The following SMYD3 variants were observed in gnomAD, a reference collection of about 807,000 sequenced individuals.
SMYD3 encodes the protein histone-lysine N-methyltransferase SMYD3.
A neutral mutation model predicts 57.7 loss-of-function variants in SMYD3; 36 were observed. That is an observed-to-expected ratio of 0.62 (90% CI 0.48 to 0.82). SMYD3 has a LOEUF of 0.82. Among genes scored for constraint, SMYD3 ranks in the 40% least tolerant of loss-of-function variants. The pLI is 0.00. For missense variants in SMYD3, 515 were observed against 538.8 expected (o/e 0.96, Z 0.44); for synonymous variants, 211 against 195.0 (o/e 1.08, Z -0.68).
intron 1 of SMYD3, among the ~76,000 whole-genome samples, chr1:246,502,731 C>G (rs1232823567): frequency 6.6e-6 from 1 of 152,152 alleles, no homozygotes; most frequent in Non-Finnish European, 1.5e-5. Context: ...TCACTGGTCT[C>G]TGCTGCAAGG....
Position 245,933,425 on chromosome 1 carries a change from CAA to C in SMYD3, c.532-3490_532-3489del, listed in dbSNP as rs1425507965. Among the ~76,000 whole-genome samples, 11 of 152,224 alleles carry C rather than the reference CAA, an allele frequency of 7.2e-5. No homozygotes were observed. In the East Asian group the frequency reaches 1.5e-3, roughly 21 times the overall value. On this transcript the variant is annotated intron_variant, in intron 5 of 11. Coordinates refer to ENST00000490107, the MANE Select transcript of SMYD3 (RefSeq NM_001167740.2). ...ATTTAAATTGTTTTATTATTGAATG[CAA>C]AGTTATATTTACTTTCTGTAATTTT...
In SMYD3 at chr1:245,749,539, G is replaced by GT. The variant is rs770434925; in HGVS notation, c.*23dup. 4 of 1,579,664 alleles carry GT rather than the reference G, an allele frequency of 2.5e-6. No individual in the cohort carries two copies. The African/African-American group carries it at 4.0e-5, about 16-fold the overall frequency. On this transcript the variant is annotated 3_prime_UTR_variant, in exon 12 of 12. Coordinates refer to ENST00000490107, the MANE Select transcript of SMYD3 (RefSeq NM_001167740.2). ...AAGGCATTCAACAAAGACACACGCC[G>GT]TATTTCCCTCTGACTGCGTTCCCTT...
chr1:246,222,891 G>A (rs887943344), intron 5 of SMYD3, among the ~76,000 whole-genome samples: 2 of 152,248 alleles, frequency 1.3e-5, no homozygotes, highest in Admixed American at 6.5e-5. Flanking sequence ...ATGCTAAATC[G>A]TATGTGCTCT....
intron 1 of SMYD3, among the ~76,000 whole-genome samples, chr1:246,395,199 T>C (rs905555169): frequency 5.3e-5 from 8 of 152,220 alleles, no homozygotes; most frequent in Admixed American, 1.3e-4. Flanking sequence ...GAAGGCTCTA[T>C]TTTTACCACT....
chr1:246,465,937 A>G (rs1369873140), intron 1 of SMYD3, among the ~76,000 whole-genome samples: 1 of 152,106 alleles, frequency 6.6e-6, no homozygotes, highest in East Asian at 1.9e-4. Context: ...ACACCTGGCT[A>G]ATTTTTGTAT....
rs962306096 is a variant in SMYD3, at chr1:245,823,799, G to A, written c.1076+34697C>T. Among the ~76,000 whole-genome samples the A allele has an allele frequency of 3.3e-5, 5 of 152,304 alleles. No homozygotes were observed. In the East Asian group the frequency reaches 7.7e-4, roughly 24 times the overall value. On this transcript the variant is annotated intron_variant, in intron 10 of 11. Coordinates refer to ENST00000490107, the MANE Select transcript of SMYD3 (RefSeq NM_001167740.2). ...GAAAGAAAATTGGAAGCACTTCTCT[G>A]ATTTAGTACCAAACTTGCTCCAGGA...
intron 8 of SMYD3, among the ~76,000 whole-genome samples, chr1:245,877,694 A>G (rs1343010546): frequency 6.6e-6 from 1 of 152,208 alleles, no homozygotes; most frequent in Non-Finnish European, 1.5e-5. Flanking sequence ...ATCTGGCTTC[A>G]GTGGCTGAGT....
chr1:246,320,600 A>G (rs373612790), intron 5 of SMYD3, among the ~76,000 whole-genome samples: 4 of 152,182 alleles, frequency 2.6e-5, no homozygotes, highest in Non-Finnish European at 5.9e-5. Context: ...CTATGCAACT[A>G]GTCTATTTTC....
At chr1:246,196,639 C>T (rs1174599427) in intron 5 of SMYD3, among the ~76,000 whole-genome samples, 1 of 152,138 alleles carries the variant, frequency 6.6e-6, no homozygotes, top group African/African-American at 2.4e-5. Context: ...TACAATACAA[C>T]ATTCTTTCCC....
At chr1:246,374,548 G>C (rs528222292) in intron 1 of SMYD3, among the ~76,000 whole-genome samples, 5 of 134,314 alleles carry the variant, frequency 3.7e-5, no homozygotes, top group African/African-American at 1.4e-4. Context: ...GTGCTGTCTC[G>C]TGTCCCTAAG....
At chr1:246,379,780 A>G (rs2066358069) in intron 1 of SMYD3, among the ~76,000 whole-genome samples, 1 of 152,228 alleles carries the variant, frequency 6.6e-6, no homozygotes, top group African/African-American at 2.4e-5. Context: ...CGGATGGATC[A>G]CTTAAGGCCA....
intron 5 of SMYD3, among the ~76,000 whole-genome samples, chr1:246,138,440 TTC>T (rs1232404927): frequency 6.7e-6 from 1 of 149,430 alleles, no homozygotes; most frequent in African/African-American, 2.4e-5. Flanking sequence ...TTTATTTTTT[TTC>T]TGAGACGGAG....
chr1:246,409,609 T>C (rs1167721951), intron 1 of SMYD3, among the ~76,000 whole-genome samples: 1 of 152,220 alleles, frequency 6.6e-6, no homozygotes, highest in African/African-American at 2.4e-5. Context: ...TCAGGTAGCC[T>C]GATGCCTCCA....
intron 2 of SMYD3, among the ~76,000 whole-genome samples, chr1:246,336,786 G>C (rs1344106690): frequency 1.3e-5 from 2 of 152,122 alleles, no homozygotes; most frequent in African/African-American, 4.8e-5. Flanking sequence ...CAAAAAGAGA[G>C]AGTAAAAATT....
chr1:245,925,616 G>C (rs2056316566), intron 7 of SMYD3, among the ~76,000 whole-genome samples: 1 of 152,130 alleles, frequency 6.6e-6, no homozygotes, highest in South Asian at 2.1e-4. Context: ...CATTCAAAAT[G>C]GCAATAGTGT....
chr1:246,024,013 G>A (rs1237418090), intron 5 of SMYD3, among the ~76,000 whole-genome samples: 1 of 151,954 alleles, frequency 6.6e-6, no homozygotes, highest in Admixed American at 6.6e-5. Flanking sequence ...AGGTGGGAGG[G>A]GATAAAATGA....
rs759801510 is a variant in SMYD3 at position 245,764,040 on chromosome 1, C to T, written c.1185+1G>A. The T allele has an allele frequency of 3.1e-6, 5 of 1,609,490 alleles. No homozygotes were observed. Among genetic ancestry groups the T allele is most frequent in the Non-Finnish European group, 4.3e-6 (5 of 1,175,948 alleles). On this transcript the variant is annotated splice_donor_variant, in intron 11 of 11. Coordinates refer to ENST00000490107, the MANE Select transcript of SMYD3 (RefSeq NM_001167740.2). LOFTEE classifies it high-confidence loss of function. ...ACTATGTGAGATCTTGGCACACTCACCAGTCTCAGATTCTTCATTGCTTGG... is the reference window on the plus strand; with the variant it reads ...ACTATGTGAGATCTTGGCACACTCATCAGTCTCAGATTCTTCATTGCTTGG...
chr1:245,942,236 C>G (rs958416659), intron 5 of SMYD3, among the ~76,000 whole-genome samples: 28 of 152,316 alleles, frequency 1.8e-4, no homozygotes, highest in Non-Finnish European at 4.0e-4. Context: ...AGACACCCAT[C>G]TCACGTGCAA....
In SMYD3 at chr1:246,457,532, CAA is replaced by C. The variant is rs59617511; in HGVS notation, c.164+49520_164+49521del. Among the ~76,000 whole-genome samples, 309 of 82,410 alleles carry C rather than the reference CAA, an allele frequency of 3.7e-3. 1 individual carries two copies. Among genetic ancestry groups the C allele is most frequent in the African/African-American group, 0.012 (265 of 21,524 alleles). The allele number at this position is 82,410 out of a possible 152,430, so 54.1% of individuals were successfully genotyped here. A position where few individuals can be genotyped will look rare whatever the true frequency, so the allele number is the denominator to read the frequency against. The stretch of plus-strand genomic sequence containing the variant: ...TGAGCAACAGAGCGAGACTCTGCCT[CAA>C]AAAAAAAAAAAAAAGAAAAGAAAAG... On this transcript the variant is annotated intron_variant, in intron 1 of 11. Coordinates refer to ENST00000490107, the MANE Select transcript of SMYD3 (RefSeq NM_001167740.2).
Sources: allele counts gnomAD v4.1 joint callset (sites outside exome capture counted in the v4.1 genomes callset), GRCh38; gene constraint gnomAD v4.1.1; transcripts MANE v1.5; gene names NCBI Gene and HGNC (gene_info 2026-07-23, HGNC 2026-07-21).